Variants in MROH2B observed in about 807,000 individuals in gnomAD.
The protein encoded by MROH2B is maestro heat like repeat family member 2B.
In MROH2B, 177 loss-of-function variants were observed where a neutral mutation model predicts 208.6. That is an observed-to-expected ratio of 0.85 (90% CI 0.75 to 0.96). The LOEUF (loss-of-function observed/expected upper bound fraction) is 0.96, where lower values mean the gene tolerates loss of function less well. Ranked by LOEUF, MROH2B falls within the 40% of genes least tolerant of loss-of-function variation. The probability of loss-of-function intolerance (pLI) is 0.00; values close to 1 mark genes in which losing one functional copy is unlikely to be tolerated. For missense variants in MROH2B, 2,002 were observed against 1,878.7 expected (o/e 1.07, Z -1.21); for synonymous variants, 728 against 659.0 (o/e 1.10, Z -1.60).
rs1490911459 is a variant in MROH2B, at chr5:41,008,615, T to A, written c.3599A>T (p.Asp1200Val). Residue 1200 changes from aspartate (D) to valine (V), a missense_variant, in exon 33 of 42, where the codon GAC becomes GTC. By Grantham distance (152) the Asp-to-Val change is radical. Coordinates refer to ENST00000399564, the MANE Select transcript of MROH2B (RefSeq NM_173489.5). ...CTGATTGGCCGTTTACCTGCAGGGG[T>A]CTGGGATCTGCTGCTGTTCTCCCTG... is the stretch of plus-strand genomic sequence containing the variant. ...MQQGEQQQIP[D>V]PCRLSTATLK... is the part of the protein sequence containing the mutation. 1 of 1,613,584 alleles carries A rather than the reference T, an allele frequency of 6.2e-7. No individual in the cohort carries two copies. Among genetic ancestry groups the A allele is most frequent in the Non-Finnish European group, 8.5e-7 (1 of 1,179,762 alleles).
rs1741527430 is a variant in MROH2B at position 41,004,903 on chromosome 5, G to T, written c.3882C>A (p.Ile1294=). 3 of 1,613,752 alleles carry T rather than the reference G, an allele frequency of 1.9e-6. No individual in the cohort carries two copies. Among genetic ancestry groups the T allele is most frequent in the Non-Finnish European group, 2.5e-6 (3 of 1,179,866 alleles). The stretch of plus-strand genomic sequence containing the variant: ...TTCGCAGATTCCCATGCTTCCAAAG[G>T]ATTGGTTCCTTCATGAGCTGAAATA... ...AFFSELMKEP[I]LWKHGNLRNV... Residue 1294 remains isoleucine, a synonymous_variant, in exon 36 of 42, where the codon ATC becomes ATA. Coordinates refer to ENST00000399564, the MANE Select transcript of MROH2B (RefSeq NM_173489.5).
chr5:41,022,819 C>T (rs541537612), intron 24 of MROH2B, among the ~76,000 whole-genome samples: 34 of 152,282 alleles, frequency 2.2e-4, no homozygotes, highest in Non-Finnish European at 3.5e-4. Flanking sequence ...ACATCTCACA[C>T]GATCAGGTAC....
intron 1 of MROH2B, among the ~76,000 whole-genome samples, chr5:41,070,281 A>G (rs965679656): frequency 2.6e-5 from 4 of 152,176 alleles, no homozygotes; most frequent in Non-Finnish European, 5.9e-5. Flanking sequence ...AATGACCTAA[A>G]TGTGTTTGAC....
intron 24 of MROH2B, among the ~76,000 whole-genome samples, chr5:41,022,126 C>T (rs1027841833): frequency 2.8e-4 from 42 of 152,250 alleles, no homozygotes; most frequent in Admixed American, 5.9e-4. Context: ...GCATGAGTGA[C>T]GCAGAAGACA....
chr5:41,054,378 C>T (rs1561302796), intron 11 of MROH2B, among the ~76,000 whole-genome samples: 2 of 152,126 alleles, frequency 1.3e-5, no homozygotes, highest in African/African-American at 4.8e-5. Flanking sequence ...TATGCTAAGA[C>T]CAAGGTTTAG....
At chr5:41,036,075 G>A (rs1742747445) in intron 21 of MROH2B, among the ~76,000 whole-genome samples, 2 of 151,440 alleles carry the variant, frequency 1.3e-5, no homozygotes, top group Non-Finnish European at 2.9e-5. Context: ...GCAAAGACAT[G>A]GAATCAACAA....
chr5:41,055,744 T>A lies in MROH2B; in HGVS notation c.1031A>T (p.Asp344Val), dbSNP rs1265369993. Residue 344 changes from aspartate (D) to valine (V), a missense_variant and splice_region_variant, in exon 10 of 42, where the codon GAT (aspartate) becomes GTT (valine). Physicochemically the swap from Asp to Val is radical, Grantham distance 152. Coordinates refer to ENST00000399564, the MANE Select transcript of MROH2B (RefSeq NM_173489.5). ...TTGGCTTCAACCCTCTTGCTTACCA[T>A]CAGCATTGACAGCCAATCTTAACAA... ...LTLLRLAVNA[D>V]EPRLRDHIIS... is the part of the protein sequence containing the mutation. The A allele has an allele frequency of 6.2e-7, 1 of 1,612,272 alleles. No individual in the cohort carries two copies. Among genetic ancestry groups the A allele is most frequent in the South Asian group, 1.1e-5 (1 of 91,048 alleles).
chr5:41,065,600 A>G (rs971701641), intron 3 of MROH2B, 110 bp from the exon 4 acceptor site: 13 of 895,138 alleles, frequency 1.5e-5, no homozygotes, highest in Middle Eastern at 3.5e-4. Context: ...TATTTTTAAA[A>G]TTATAGATTC....
At chr5:41,027,648 G>C (rs527723805) in intron 24 of MROH2B, among the ~76,000 whole-genome samples, 1 of 152,316 alleles carries the variant, frequency 6.6e-6, no homozygotes, top group South Asian at 2.1e-4. Context: ...CAAGGATCTA[G>C]AACTAGAATT....
Position 41,018,728 on chromosome 5 carries a change from T to C in MROH2B, c.2636A>G (p.Asp879Gly). 6.2e-7 allele frequency: 1 copy of C among 1,613,954 alleles called. No individual in the cohort carries two copies. Among genetic ancestry groups the C allele is most frequent in the Non-Finnish European group, 8.5e-7 (1 of 1,179,874 alleles). The change falls in exon 26 of 42, where the codon GAT (aspartate) becomes GGT (glycine). Residue 879 changes from aspartate to glycine, a missense_variant. Transcript: ENST00000399564. The stretch of plus-strand genomic sequence containing the variant: ...TTGACAGTCCTCTGCATTCACATTA[T>C]CCCACATCATGGTCTTCAGAAGTTT... ...LGKLLKTMMW[D>G]NVNAEDCQEM...
intron 24 of MROH2B, among the ~76,000 whole-genome samples, chr5:41,026,452 T>C (rs909498752): frequency 3.3e-5 from 5 of 152,060 alleles, no homozygotes; most frequent in Non-Finnish European, 7.4e-5. Context: ...TCAAAGAGAA[T>C]AAAATACCTA....
chr5:41,059,833 A>G (rs1361592584), intron 6 of MROH2B, among the ~76,000 whole-genome samples: 1 of 152,136 alleles, frequency 6.6e-6, no homozygotes, highest in East Asian at 1.9e-4. Flanking sequence ...TTCCCACTCT[A>G]TAAACTCTTT....
At chr5:41,049,054 T>G (rs1294454753) in intron 15 of MROH2B, 47 bp downstream of exon 15, 1 of 1,546,812 alleles carries the variant, frequency 6.5e-7, no homozygotes, top group Non-Finnish European at 8.8e-7. Context: ...TGAACTATCC[T>G]TATCAGCTTA....
At chr5:41,034,114 C>A in intron 21 of MROH2B, 1 of 969,188 alleles carries the variant, frequency 1.0e-6, no homozygotes, top group Non-Finnish European at 1.2e-6. Context: ...AGGGTAGAGA[C>A]TTCGAGTCTT....
At chr5:41,069,348 G>C (rs1324213297) in intron 2 of MROH2B, among the ~76,000 whole-genome samples, 3 of 152,156 alleles carry the variant, frequency 2.0e-5, no homozygotes, top group Non-Finnish European at 4.4e-5. Flanking sequence ...GAGCAGGGAA[G>C]AGCTTTTGGG....
chr5:41,021,278 G>A (rs908287232), intron 24 of MROH2B, among the ~76,000 whole-genome samples: 2 of 152,166 alleles, frequency 1.3e-5, no homozygotes, highest in African/African-American at 4.8e-5. Flanking sequence ...ATTGTTGAAA[G>A]AAATGAAAGA....
At chr5:41,042,599 T>TTTTTG (rs1328073395) in intron 18 of MROH2B, among the ~76,000 whole-genome samples, 21 of 152,012 alleles carry the variant, frequency 1.4e-4, no homozygotes, top group African/African-American at 5.1e-4. Flanking sequence ...AAAAGAGGGT[T>TTTTTG]TTTTGTTTTG....
At chr5:41,063,885 C>T (rs1177204388) in intron 5 of MROH2B, among the ~76,000 whole-genome samples, 24 of 152,194 alleles carry the variant, frequency 1.6e-4, no homozygotes, top group Admixed American at 1.6e-3. Context: ...CTCTTGATTT[C>T]TGTGACATAT....
chr5:41,040,452 T>C (rs1561295404), intron 19 of MROH2B, among the ~76,000 whole-genome samples: 1 of 152,208 alleles, frequency 6.6e-6, no homozygotes, highest in Non-Finnish European at 1.5e-5. Context: ...CGTTCTAGTA[T>C]GAAGCTAGAA....
Sources: allele counts gnomAD v4.1 joint callset (sites outside exome capture counted in the v4.1 genomes callset), GRCh38; gene constraint gnomAD v4.1.1; transcripts MANE v1.5; gene names NCBI Gene and HGNC (gene_info 2026-07-23, HGNC 2026-07-21).